Variants in DISC1 observed in about 807,000 individuals in gnomAD.
DISC1 encodes disrupted in schizophrenia 1 protein.
Under a neutral mutation model 84.5 loss-of-function variants are expected in DISC1, and 57 were observed. That is an observed-to-expected ratio of 0.67 (90% CI 0.55 to 0.84). The LOEUF (loss-of-function observed/expected upper bound fraction) is 0.84, where lower values mean the gene tolerates loss of function less well. DISC1 is among the 40% of genes least tolerant of loss of function. DISC1 has a pLI of 0.00. For missense variants in DISC1, 1,000 were observed against 1,057.8 expected (o/e 0.95, Z 0.76); for synonymous variants, 411 against 415.2 (o/e 0.99, Z 0.12).
chr1:231,967,295 C>T lies in DISC1; in HGVS notation c.2042+8407C>T, dbSNP rs368442622. Among the ~76,000 whole-genome samples the T allele has an allele frequency of 1.8e-4, 27 of 152,278 alleles. No individual in the cohort carries two copies. In the East Asian group the frequency reaches 3.3e-3, roughly 19 times the overall value. ...CCAACTGCTCTCAATCTAATGAAGACGGGAACCGGGGTCAAAAATTGGAGC... is the reference window on the plus strand; with the variant it reads ...CCAACTGCTCTCAATCTAATGAAGATGGGAACCGGGGTCAAAAATTGGAGC... On this transcript the variant is annotated intron_variant, in intron 10 of 12. Coordinates refer to ENST00000439617, the MANE Select transcript of DISC1 (RefSeq NM_018662.3).
chr1:231,862,344 T>C (rs1437491633), intron 9 of DISC1, among the ~76,000 whole-genome samples: 1 of 152,168 alleles, frequency 6.6e-6, no homozygotes, highest in African/African-American at 2.4e-5. Flanking sequence ...CTGTTTCCCA[T>C]TGTGAGGATT....
Position 232,026,534 on chromosome 1 carries a change from C to A in DISC1, c.2407C>A (p.His803Asn). Residue 803 changes from histidine to asparagine, a missense_variant, in exon 12 of 13, where the codon CAT (histidine) becomes AAT (asparagine). Around this residue, in one of 3 missense-constraint regions of DISC1, gnomAD observed 397 missense variants for 377.5 expected, o/e 1.05. Transcript: ENST00000439617. ...EDQLHTAIHSHDEDLIQSLRR... is the reference protein window; with the variant it reads ...EDQLHTAIHSNDEDLIQSLRR... ...TCAACTTCACACAGCAATCCACAGT[C>A]ATGATGAAGATCTCATTCATATCCT... The A allele has an allele frequency of 1.9e-6, 3 of 1,603,424 alleles. No individual in the cohort carries two copies. The African/African-American group carries it at 4.0e-5, about 21-fold the overall frequency.
At chr1:231,646,986 G>A (rs1451308177) in intron 1 of DISC1, among the ~76,000 whole-genome samples, 4 of 152,144 alleles carry the variant, frequency 2.6e-5, no homozygotes, top group Non-Finnish European at 5.9e-5. Context: ...TGGGTAGATT[G>A]CAAAAATTTT....
At chr1:231,909,650 C>G (rs1257575977) in intron 9 of DISC1, among the ~76,000 whole-genome samples, 2 of 152,138 alleles carry the variant, frequency 1.3e-5, no homozygotes, top group Non-Finnish European at 2.9e-5. Context: ...TGTCGTGTCT[C>G]TGCCAGGCTT....
Position 232,041,209 on chromosome 1 carries a change from T to A in DISC1, c.*4378T>A, listed in dbSNP as rs1670771868. ...AGGTTTATTCATCTCATCTTTCTGT[T>A]ACAGGATGATTAATTGTACAGTTAC... On this transcript the variant is annotated 3_prime_UTR_variant, in exon 13 of 13. Transcript: ENST00000439617. The A allele has an allele frequency of 1.3e-5, 2 of 152,210 alleles. No individual in the cohort carries two copies. Among genetic ancestry groups the A allele is most frequent in the Non-Finnish European group, 2.9e-5 (2 of 68,042 alleles). 9.4% of individuals were successfully genotyped at this position (152,210 alleles called of 1,614,324 possible). A position where few individuals can be genotyped will look rare whatever the true frequency, so the allele number is the denominator to read the frequency against.
intron 9 of DISC1, among the ~76,000 whole-genome samples, chr1:231,876,981 A>G (rs2085931496): frequency 6.6e-6 from 1 of 152,252 alleles, no homozygotes; most frequent in Non-Finnish European, 1.5e-5. Context: ...TGGGAGCCAC[A>G]GAAGAGTACT....
intron 9 of DISC1, among the ~76,000 whole-genome samples, chr1:231,939,568 C>G (rs1005426197): frequency 1.3e-5 from 2 of 152,112 alleles, no homozygotes; most frequent in African/African-American, 4.8e-5. Flanking sequence ...CTGCCTCCAT[C>G]TTTATTTCTC....
chr1:231,645,969 G>A (rs1296757361), intron 1 of DISC1, among the ~76,000 whole-genome samples: 1 of 151,034 alleles, frequency 6.6e-6, no homozygotes, highest in Non-Finnish European at 1.5e-5. Context: ...AGAAAAACAA[G>A]GAAATAGAAG....
At chr1:231,643,621 T>C (rs1223322868) in intron 1 of DISC1, among the ~76,000 whole-genome samples, 1 of 152,250 alleles carries the variant, frequency 6.6e-6, no homozygotes, top group Admixed American at 6.5e-5. Flanking sequence ...GGAGCTATTA[T>C]TAGATTTCAC....
At chr1:231,645,221 G>A (rs765362998) in intron 1 of DISC1, among the ~76,000 whole-genome samples, 3 of 152,150 alleles carry the variant, frequency 2.0e-5, no homozygotes, top group Non-Finnish European at 2.9e-5. Flanking sequence ...AGGATTGGTT[G>A]TTCTTTCACC....
At chr1:231,854,476 C>A (rs187872309) in intron 9 of DISC1, among the ~76,000 whole-genome samples, 1 of 152,232 alleles carries the variant, frequency 6.6e-6, no homozygotes, top group Admixed American at 6.5e-5. Flanking sequence ...AAAGGTAGAG[C>A]AGTATATGTA....
chr1:231,915,114 G>A (rs1173097916), intron 9 of DISC1, among the ~76,000 whole-genome samples: 1 of 152,134 alleles, frequency 6.6e-6, no homozygotes, highest in East Asian at 1.9e-4. Flanking sequence ...TGACGTTATA[G>A]TTGTTAGCAT....
chr1:231,906,825 A>G (rs1040055692), intron 9 of DISC1, among the ~76,000 whole-genome samples: 4 of 151,902 alleles, frequency 2.6e-5, no homozygotes, highest in African/African-American at 9.7e-5. Flanking sequence ...GAAGCACAAG[A>G]AGAAAGGAAA....
chr1:231,647,688 T>C (rs1046536173), intron 1 of DISC1, among the ~76,000 whole-genome samples: 10 of 152,232 alleles, frequency 6.6e-5, no homozygotes, highest in Non-Finnish European at 1.5e-5. Context: ...TTCCTATCCA[T>C]GAGCATGGAA....
chr1:231,874,930 A>AG (rs1172942160), intron 9 of DISC1, among the ~76,000 whole-genome samples: 1 of 151,822 alleles, frequency 6.6e-6, no homozygotes, highest in East Asian at 1.9e-4. Flanking sequence ...AAAAAAAAAA[A>AG]AAAAAGAATA....
chr1:231,780,178 G>A (rs1322775491), intron 6 of DISC1, among the ~76,000 whole-genome samples: 3 of 139,018 alleles, frequency 2.2e-5, no homozygotes, highest in African/African-American at 5.4e-5. Context: ...CATGGCACAT[G>A]TATAAATATG....
chr1:231,995,963 T>G (rs1204301171), intron 10 of DISC1, among the ~76,000 whole-genome samples: 8 of 152,140 alleles, frequency 5.3e-5, no homozygotes, highest in Non-Finnish European at 7.4e-5. Context: ...ACCAACAGTG[T>G]AAAAGTGTTC....
At chr1:231,937,720 G>A (rs2091066594) in intron 9 of DISC1, among the ~76,000 whole-genome samples, 1 of 152,172 alleles carries the variant, frequency 6.6e-6, no homozygotes, top group African/African-American at 2.4e-5. Context: ...GGAGGCTTGG[G>A]GACTGAAGGG....
intron 1 of DISC1, among the ~76,000 whole-genome samples, chr1:231,665,939 G>A (rs933887144): frequency 2.6e-5 from 4 of 152,052 alleles, no homozygotes; most frequent in Non-Finnish European, 5.9e-5. Flanking sequence ...CAGCTGCATC[G>A]TCACCCTCTG....
Sources: allele counts gnomAD v4.1 joint callset (sites outside exome capture counted in the v4.1 genomes callset), GRCh38; gene constraint gnomAD v4.1.1; regional missense constraint gnomAD v4.1.1; transcripts MANE v1.5; gene names NCBI Gene and HGNC (gene_info 2026-07-23, HGNC 2026-07-21).